BCCIP: variants seen among roughly 807,000 people sequenced by gnomAD.
BCCIP encodes the protein BRCA2 and CDKN1A-interacting protein.
A neutral mutation model predicts 32.8 loss-of-function variants in BCCIP; 23 were observed. The ratio of observed to expected loss-of-function variants is 0.70; its 90% CI spans 0.51 to 0.99. The LOEUF (loss-of-function observed/expected upper bound fraction) is 0.99, where lower values mean the gene tolerates loss of function less well. Ranked by LOEUF, BCCIP falls within the 50% of genes least tolerant of loss-of-function variation. The pLI is 0.00. For missense variants in BCCIP, 378 were observed against 379.8 expected (o/e 1.00, Z 0.04); for synonymous variants, 144 against 137.6 (o/e 1.05, Z -0.33).
At position 125,830,640 on chromosome 10, in the gene BCCIP, A is replaced by C; in HGVS notation, c.400A>C (p.Thr134Pro). Residue 134 changes from threonine to proline, a missense_variant, in exon 4 of 7, where the codon ACT becomes CCT. Physicochemically the swap from Thr to Pro is conservative, Grantham distance 38. Transcript: ENST00000278100. Reference sequence around the variant, plus strand: ...TGGTTTCATAAGCCTTTTAAATTTAACTGAAAGAAAGGTTGGTTTCACTGG... The same window carrying C: ...TGGTTTCATAAGCCTTTTAAATTTACCTGAAAGAAAGGTTGGTTTCACTGG... Reference protein sequence around the residue: ...VFGFISLLNLTERKGTQCVEQ... With the variant: ...VFGFISLLNLPERKGTQCVEQ... 1 of 1,602,014 alleles carries C rather than the reference A, an allele frequency of 6.2e-7. No homozygotes were observed. Among genetic ancestry groups the C allele is most frequent in the Non-Finnish European group, 8.5e-7 (1 of 1,171,278 alleles).
chr10:125,838,587 C>T (rs988845892), downstream of BCCIP, among the ~76,000 whole-genome samples: 1 of 152,150 alleles, frequency 6.6e-6, no homozygotes, highest in African/African-American at 2.4e-5. Flanking sequence ...GTGATGTTAA[C>T]TAACTTCAGC....
chr10:125,837,959 G>A (rs1246679121), downstream of BCCIP, among the ~76,000 whole-genome samples: 1 of 152,064 alleles, frequency 6.6e-6, no homozygotes, highest in Non-Finnish European at 1.5e-5. Context: ...CTAGCATTCT[G>A]TCCTTCTTAA....
chr10:125,850,155 T>A lies in BCCIP; in HGVS notation c.851-2970T>A, dbSNP rs1033204674. ...TCATTAAAAAAAAAAAAAAAAAAAA[T>A]TTGTAGAGATGGGGTCTTGTTATAT... On this transcript the variant is annotated intron_variant, in intron 7 of 7. Transcript: ENST00000368759. Among the ~76,000 whole-genome samples the A allele has an allele frequency of 4.0e-5, 6 of 149,348 alleles. No individual in the cohort carries two copies. The East Asian group carries it at 1.2e-3, about 29-fold the overall frequency.
intron 6 of BCCIP, among the ~76,000 whole-genome samples, chr10:125,835,089 C>T (rs1318496510): frequency 4.0e-5 from 6 of 151,414 alleles, no homozygotes; most frequent in East Asian, 2.0e-4. Flanking sequence ...GCCGAGATTG[C>T]GCCACTGCAC....
At chr10:125,830,894 T>A (rs192552501) in intron 4 of BCCIP, among the ~76,000 whole-genome samples, 1 of 152,224 alleles carries the variant, frequency 6.6e-6, no homozygotes, top group African/African-American at 2.4e-5. Context: ...CTGATGTTGG[T>A]ACTGATGCAG....
intron 5 of BCCIP, among the ~76,000 whole-genome samples, chr10:125,832,444 G>A (rs866538576): frequency 1.2e-4 from 18 of 152,206 alleles, no homozygotes; most frequent in Middle Eastern, 6.8e-3. Context: ...AAACCTTTAC[G>A]TTTGCTGTTT....
chr10:125,829,874 T>A (rs1487215802), intron 3 of BCCIP, among the ~76,000 whole-genome samples: 1 of 152,262 alleles, frequency 6.6e-6, no homozygotes, highest in Admixed American at 6.5e-5. Context: ...GCTCTGCAGT[T>A]GTAACTGTGG....
chr10:125,849,844 C>A (rs1944068002), intron 7 of BCCIP, among the ~76,000 whole-genome samples: 1 of 152,216 alleles, frequency 6.6e-6, no homozygotes, highest in Non-Finnish European at 1.5e-5. Flanking sequence ...ATATACTTCT[C>A]TAGTATTCTT....
downstream of BCCIP, among the ~76,000 whole-genome samples, chr10:125,837,520 T>C (rs1854732221): frequency 6.6e-6 from 1 of 152,186 alleles, no homozygotes; most frequent in Non-Finnish European, 1.5e-5. Flanking sequence ...CTTGACCTCC[T>C]GGGCTCAAGC....
downstream of BCCIP, among the ~76,000 whole-genome samples, chr10:125,840,283 TA>T (rs1854834998): frequency 6.6e-6 from 1 of 152,206 alleles, no homozygotes; most frequent in Non-Finnish European, 1.5e-5. Flanking sequence ...CCTTCAGGCA[TA>T]CAAAGGACTT....
chr10:125,851,515 A>G (rs529932604), intron 7 of BCCIP, among the ~76,000 whole-genome samples: 2 of 152,318 alleles, frequency 1.3e-5, no homozygotes, highest in South Asian at 2.1e-4. Context: ...TGCCTAGGAA[A>G]TCAACAGGTG....
At position 125,830,558 on chromosome 10, in the gene BCCIP, A is replaced by G; in HGVS notation, c.322-4A>G. 3 of 1,578,854 alleles carry G rather than the reference A, an allele frequency of 1.9e-6. No homozygotes were observed. The highest frequency in any genetic ancestry group is 2.6e-6 in the Non-Finnish European group (3 of 1,159,490). ...ACATTTAAATATTTTTTCTTTTAAA[A>G]TAGCAAACGGATGTTTCAGAAGACA... On this transcript the variant is annotated splice_polypyrimidine_tract_variant and splice_region_variant and intron_variant, in intron 3 of 6. Transcript: ENST00000278100.
downstream of BCCIP, chr10:125,839,234 AGCTCTGAAGAGCCCAGGCCAGGC>A: frequency 6.3e-7 from 1 of 1,586,318 alleles, no homozygotes; most frequent in South Asian, 1.1e-5. Context: ...ATTTGTCAGA[AGCTCTGAAGAGCCCAGGCCAGGC>A]AGTTGCCATC....
intron 3 of BCCIP, among the ~76,000 whole-genome samples, chr10:125,830,004 C>A (rs200784233): frequency 7.4e-4 from 43 of 58,026 alleles, no homozygotes; most frequent in African/African-American, 2.9e-3. Flanking sequence ...GAACAAAGGG[C>A]AGGGGGTTCT....
intron 6 of BCCIP, 64 bp from the exon 7 acceptor site, chr10:125,836,040 G>T: frequency 1.4e-6 from 2 of 1,414,584 alleles, no homozygotes; most frequent in Non-Finnish European, 9.9e-7. Context: ...CTTTGCCGTA[G>T]ATCAAATGGG....
intron 5 of BCCIP, among the ~76,000 whole-genome samples, chr10:125,833,377 T>C (rs1854572626): frequency 6.6e-6 from 1 of 152,228 alleles, no homozygotes; most frequent in Non-Finnish European, 1.5e-5. Flanking sequence ...TGTAGTGACA[T>C]TGGTTGTGGC....
downstream of BCCIP, chr10:125,840,955 C>G (rs78840782): frequency 7.8e-4 from 1,251 of 1,611,884 alleles, 12 homozygotes; most frequent in African/African-American, 0.014. Context: ...GTCAAGGCAG[C>G]CTCTTCAGCT....
chr10:125,849,055 A>G (rs1352347754), intron 7 of BCCIP, among the ~76,000 whole-genome samples: 2 of 152,186 alleles, frequency 1.3e-5, no homozygotes, highest in Non-Finnish European at 2.9e-5. Flanking sequence ...CCAGGGCAGT[A>G]TCTGTTTCCA....
Position 125,836,469 on chromosome 10 carries a change from A to C in BCCIP, c.*195A>C, listed in dbSNP as rs1165062043. 2.5e-5 allele frequency: 35 copies of C among 1,398,234 alleles called. No homozygotes were observed. The highest frequency in any genetic ancestry group is 3.2e-5 in the Non-Finnish European group (35 of 1,077,138). The allele number at this position is 1,398,234 out of a possible 1,614,324, so 86.6% of individuals were successfully genotyped here. A position where few individuals can be genotyped will look rare whatever the true frequency, so the allele number is the denominator to read the frequency against. ...TGGTCAAATTATGAGTGGTTGATTT[A>C]AAAACTTTTCCAAGAAGAAGAAAAG... On this transcript the variant is annotated 3_prime_UTR_variant, in exon 7 of 7. Coordinates refer to ENST00000278100, the MANE Select transcript of BCCIP (RefSeq NM_078468.3).
Sources: gnomAD v4.1 joint callset for allele counts (sites outside exome capture counted in the v4.1 genomes callset) on GRCh38, gnomAD v4.1.1 for gene constraint, MANE v1.5 for transcripts, NCBI Gene and HGNC (gene_info 2026-07-23, HGNC 2026-07-21) for gene names.